Variants in EYS observed in about 807,000 individuals in gnomAD.
The protein encoded by EYS is protein eyes shut homolog.
In EYS, 250 loss-of-function variants were observed where a neutral mutation model predicts 282.1. That is an observed-to-expected ratio of 0.89 (90% CI 0.80 to 0.98). EYS has a LOEUF of 0.98. Among genes scored for constraint, EYS ranks in the 50% least tolerant of loss-of-function variants. The probability of loss-of-function intolerance (pLI) is 0.00; values close to 1 mark genes in which losing one functional copy is unlikely to be tolerated. For missense variants in EYS, 4,016 were observed against 3,709.0 expected (o/e 1.08, Z -2.15); for synonymous variants, 1,355 against 1,282.9 (o/e 1.06, Z -1.20).
intron 28 of EYS, among the ~76,000 whole-genome samples, chr6:64,426,489 G>A (rs1774412705): frequency 6.6e-6 from 1 of 152,064 alleles, no homozygotes; most frequent in East Asian, 1.9e-4. Context: ...CAGAATCAAA[G>A]TAATATAAGA....
chr6:64,121,137 A>G lies in EYS; in HGVS notation c.6425-39135T>C, dbSNP rs190201583. ...CTCTCCTTCAGGCCAGCAGGAATGC[A>G]TCTCTCCTCCTTCTCCCTCCAGTCA... On this transcript the variant is annotated intron_variant, in intron 31 of 42. Transcript: ENST00000503581. Among the ~76,000 whole-genome samples the G allele has an allele frequency of 3.5e-3, 536 of 152,242 alleles. 7 individuals are homozygous for G. The highest frequency in any genetic ancestry group is 5.7e-4 in the Non-Finnish European group (39 of 68,008).
intron 33 of EYS, among the ~76,000 whole-genome samples, chr6:64,029,247 C>G (rs982477523): frequency 2.0e-5 from 3 of 152,154 alleles, no homozygotes; most frequent in Non-Finnish European, 4.4e-5. Context: ...AGTCCTTACT[C>G]AGACTTGTGG....
At chr6:64,703,534 G>C (rs1770871761) in intron 22 of EYS, among the ~76,000 whole-genome samples, 1 of 146,456 alleles carries the variant, frequency 6.8e-6, no homozygotes, top group Non-Finnish European at 1.5e-5. Flanking sequence ...CCGGGTTCAA[G>C]TGATTCTTCT....
At chr6:65,418,826 T>A (rs1767343378) in intron 5 of EYS, among the ~76,000 whole-genome samples, 1 of 151,942 alleles carries the variant, frequency 6.6e-6, no homozygotes, top group African/African-American at 2.4e-5. Flanking sequence ...CCCATTTTTT[T>A]AGAAGAAATA....
chr6:64,784,676 G>C (rs540338100), intron 22 of EYS, among the ~76,000 whole-genome samples: 2 of 152,022 alleles, frequency 1.3e-5, no homozygotes, highest in Non-Finnish European at 2.9e-5. Flanking sequence ...TGTTGTTGTT[G>C]TTGTTGTTTG....
intron 22 of EYS, among the ~76,000 whole-genome samples, chr6:64,766,649 A>AAAAAAAAAATATATATAT (rs1387919586): frequency 1.0e-4 from 2 of 19,068 alleles, no homozygotes; most frequent in African/African-American, 3.6e-4. Context: ...AAAAAAAAAA[A>AAAAAAAAAATATATATAT]ATATATATAT....
intron 26 of EYS, among the ~76,000 whole-genome samples, chr6:64,576,912 A>G (rs1169313016): frequency 6.6e-6 from 1 of 152,102 alleles, no homozygotes; most frequent in Non-Finnish European, 1.5e-5. Context: ...TTATAAATAG[A>G]GTTATTAGAG....
At chr6:64,458,519 A>G (rs1219592474) in intron 26 of EYS, among the ~76,000 whole-genome samples, 1 of 152,050 alleles carries the variant, frequency 6.6e-6, no homozygotes, top group Non-Finnish European at 1.5e-5. Context: ...CTCCTGGCAC[A>G]TAAGGTTTTG....
intron 12 of EYS, among the ~76,000 whole-genome samples, chr6:65,220,680 C>T (rs1766440446): frequency 1.3e-5 from 2 of 152,020 alleles, no homozygotes; most frequent in African/African-American, 4.8e-5. Flanking sequence ...TAAAGATACC[C>T]AAAAATATGG....
chr6:64,286,983 G>A (rs2224006), intron 30 of EYS, among the ~76,000 whole-genome samples: 104,246 of 151,854 alleles, frequency 0.69, 35,808 homozygotes, highest in South Asian at 0.71. Flanking sequence ...TTTCAGTACC[G>A]AATCTAGAAA....
intron 24 of EYS, among the ~76,000 whole-genome samples, chr6:64,593,744 C>T (rs1157298842): frequency 6.6e-6 from 1 of 152,006 alleles, no homozygotes; most frequent in Non-Finnish European, 1.5e-5. Context: ...AAAACATATT[C>T]TTGTGATTTG....
chr6:64,813,676 G>A (rs1764665904), intron 21 of EYS, 99 bp from the exon 22 acceptor site: 1 of 702,340 alleles, frequency 1.4e-6, no homozygotes, highest in Admixed American at 4.1e-5. Context: ...AAAAACTGAT[G>A]TGCAAACTTG....
chr6:65,533,541 T>C (rs1404667444), intron 2 of EYS, among the ~76,000 whole-genome samples: 4 of 152,046 alleles, frequency 2.6e-5, no homozygotes, highest in Admixed American at 1.3e-4. Flanking sequence ...AAAAAGAGAA[T>C]TTTAGACCAA....
At chr6:65,312,815 G>GCAATTA (rs1769196667) in intron 11 of EYS, among the ~76,000 whole-genome samples, 1 of 152,004 alleles carries the variant, frequency 6.6e-6, no homozygotes, top group African/African-American at 2.4e-5. Context: ...CTTTCCACTG[G>GCAATTA]GAGATACCTA....
chr6:64,416,661 A>T (rs574556501), intron 28 of EYS, among the ~76,000 whole-genome samples: 1 of 152,218 alleles, frequency 6.6e-6, no homozygotes, highest in African/African-American at 2.4e-5. Context: ...AGTGCTAAGA[A>T]ATTGGAGGTT....
At chr6:64,120,892 G>A (rs1773563607) in intron 31 of EYS, among the ~76,000 whole-genome samples, 1 of 152,148 alleles carries the variant, frequency 6.6e-6, no homozygotes, top group African/African-American at 2.4e-5. Context: ...TGAAATCAAG[G>A]TGTGGGTTGG....
chr6:64,144,322 T>C (rs1194984273), intron 31 of EYS, among the ~76,000 whole-genome samples: 1 of 152,216 alleles, frequency 6.6e-6, no homozygotes, highest in Non-Finnish European at 1.5e-5. Context: ...ACTAGTTAAG[T>C]TTCACAAAGC....
intron 22 of EYS, among the ~76,000 whole-genome samples, chr6:64,678,187 T>A (rs1769760328): frequency 6.6e-6 from 1 of 152,012 alleles, no homozygotes; most frequent in Non-Finnish European, 1.5e-5. Flanking sequence ...CTGGCTTACA[T>A]GTACTACTTT....
chr6:65,170,727 A>C (rs1353682584), intron 12 of EYS, among the ~76,000 whole-genome samples: 1 of 151,528 alleles, frequency 6.6e-6, no homozygotes, highest in Non-Finnish European at 1.5e-5. Flanking sequence ...TCAGCCAAAT[A>C]CTATGGCATT....
Sources: allele counts gnomAD v4.1 joint callset (sites outside exome capture counted in the v4.1 genomes callset), GRCh38; gene constraint gnomAD v4.1.1; transcripts MANE v1.5; gene names NCBI Gene and HGNC (gene_info 2026-07-23, HGNC 2026-07-21).